PIK3C2G: variants seen among roughly 807,000 people sequenced by gnomAD.
The protein encoded by PIK3C2G is phosphatidylinositol-4-phosphate 3-kinase catalytic subunit type 2 gamma.
PIK3C2G carries 168 observed loss-of-function variants against 181.1 expected under a neutral mutation model. That is an observed-to-expected ratio of 0.93 (90% confidence interval 0.82 to 1.05). PIK3C2G has a LOEUF of 1.05. Ranked by LOEUF, PIK3C2G falls within the 50% of genes least tolerant of loss-of-function variation. PIK3C2G has a pLI of 0.00. For missense variants in PIK3C2G, 1,869 were observed against 1,732.8 expected (o/e 1.08, Z -1.40); for synonymous variants, 573 against 592.2 (o/e 0.97, Z 0.47).
chr12:18,554,724 C>A (rs1592568276), intron 26 of PIK3C2G, among the ~76,000 whole-genome samples: 3 of 152,098 alleles, frequency 2.0e-5, no homozygotes. Context: ...AAAGCATACT[C>A]ATAAGCTTAA....
chr12:18,465,813 C>T (rs1160132129), intron 18 of PIK3C2G, among the ~76,000 whole-genome samples: 2 of 151,676 alleles, frequency 1.3e-5, no homozygotes, highest in African/African-American at 2.4e-5. Flanking sequence ...TTTTCATTAA[C>T]ATTCTAAAGT....
chr12:18,266,926 G>T (rs540059495), intron 1 of PIK3C2G, among the ~76,000 whole-genome samples: 1 of 150,338 alleles, frequency 6.7e-6, no homozygotes, highest in African/African-American at 2.4e-5. Context: ...ATATTTTCTG[G>T]TTATGTATAT....
intron 18 of PIK3C2G, among the ~76,000 whole-genome samples, chr12:18,477,102 G>A (rs907272922): frequency 1.3e-5 from 2 of 152,008 alleles, no homozygotes; most frequent in African/African-American, 4.8e-5. Flanking sequence ...GTGTGCGTGT[G>A]CTCTCCTGCT....
the PIK3C2G span, among the ~76,000 whole-genome samples, chr12:18,720,618 T>G: frequency 6.6e-6 from 1 of 151,940 alleles, no homozygotes. Flanking sequence ...TCTAAAATTT[T>G]TAGTTGCTAT....
chr12:18,489,419 T>G (rs1402502043), intron 19 of PIK3C2G, among the ~76,000 whole-genome samples: 1 of 152,040 alleles, frequency 6.6e-6, no homozygotes, highest in Non-Finnish European at 1.5e-5. Flanking sequence ...CAACAAGAAT[T>G]TTCAACAAAA....
chr12:18,477,467 A>C (rs1192747319), intron 18 of PIK3C2G, among the ~76,000 whole-genome samples: 1 of 152,196 alleles, frequency 6.6e-6, no homozygotes, highest in Non-Finnish European at 1.5e-5. Flanking sequence ...ACAGCATAAC[A>C]TAAGTCAACA....
chr12:18,589,618 G>C (rs1248225643), intron 29 of PIK3C2G, among the ~76,000 whole-genome samples: 2 of 151,864 alleles, frequency 1.3e-5, no homozygotes, highest in Non-Finnish European at 2.9e-5. Flanking sequence ...ATACAAAGAG[G>C]ATGCCTACCC....
chr12:18,481,670 C>A (rs1368966999), intron 18 of PIK3C2G, among the ~76,000 whole-genome samples: 1 of 151,996 alleles, frequency 6.6e-6, no homozygotes, highest in Non-Finnish European at 1.5e-5. Flanking sequence ...CAATTCATTG[C>A]TTAGCCATGC....
At chr12:18,320,786 A>C (rs955888492) in intron 6 of PIK3C2G, among the ~76,000 whole-genome samples, 176 bp from the exon 7 acceptor site, 1 of 152,238 alleles carries the variant, frequency 6.6e-6, no homozygotes, top group Admixed American at 6.5e-5. Flanking sequence ...TTACTTTTGA[A>C]AAGGCTTATA....
At chr12:18,623,946 A>G (rs1020040764) in intron 31 of PIK3C2G, among the ~76,000 whole-genome samples, 3 of 151,644 alleles carry the variant, frequency 2.0e-5, no homozygotes, top group Non-Finnish European at 3.0e-5. Context: ...GAATCTTTTG[A>G]GTTATCTATA....
intron 5 of PIK3C2G, among the ~76,000 whole-genome samples, chr12:18,294,997 G>A (rs1411862443): frequency 8.1e-6 from 1 of 123,028 alleles, no homozygotes; most frequent in Non-Finnish European, 1.9e-5. Context: ...ACAGTGAATG[G>A]CCTTAAGACT....
At chr12:18,379,423 T>C (rs1045967663) in intron 13 of PIK3C2G, among the ~76,000 whole-genome samples, 2 of 151,528 alleles carry the variant, frequency 1.3e-5, no homozygotes, top group Admixed American at 1.3e-4. Context: ...AAATGACAAG[T>C]TAATGGGTGC....
At chr12:18,449,187 C>T (rs974533825) in intron 18 of PIK3C2G, among the ~76,000 whole-genome samples, 3 of 152,134 alleles carry the variant, frequency 2.0e-5, no homozygotes, top group Non-Finnish European at 4.4e-5. Flanking sequence ...GCTCACTATT[C>T]TGTTCCATTG....
At chr12:18,688,882 A>G in the PIK3C2G span, among the ~76,000 whole-genome samples, 3 of 152,128 alleles carry the variant, frequency 2.0e-5, no homozygotes, top group African/African-American at 7.2e-5. Context: ...AGTTATAAAA[A>G]TTGAGGCATA....
At chr12:18,528,777 G>C (rs1325641124) in intron 24 of PIK3C2G, among the ~76,000 whole-genome samples, 1 of 152,088 alleles carries the variant, frequency 6.6e-6, no homozygotes, top group African/African-American at 2.4e-5. Context: ...TCTGGATTTG[G>C]TGCAGCTTGT....
In PIK3C2G at chr12:18,432,104, T is replaced by A. The variant is rs114271210; in HGVS notation, c.2504+8065T>A. Among the ~76,000 whole-genome samples the A allele has an allele frequency of 9.4e-3, 1,433 of 152,262 alleles. 26 individuals carry two copies. The highest frequency in any genetic ancestry group is 0.033 in the African/African-American group (1,362 of 41,544). ...TAGAGATTTTATGTAGTTCCTTTAA[T>A]AAAAAGATTTTTAAAATACCATACA... On this transcript the variant is annotated intron_variant, in intron 18 of 32. Coordinates refer to ENST00000538779, the MANE Select transcript of PIK3C2G (RefSeq NM_001288772.2).
In PIK3C2G at chr12:18,332,333, A is replaced by G. The variant is rs1022404983; in HGVS notation, c.1273-6093A>G. On this transcript the variant is annotated intron_variant, in intron 8 of 32. Coordinates refer to ENST00000538779, the MANE Select transcript of PIK3C2G (RefSeq NM_001288772.2). Reference sequence around the variant, plus strand: ...GGTACTCCACCCTTGCTTATTTATTACTCAATGCTAGACCTATTTTGGCAG... The same window carrying G: ...GGTACTCCACCCTTGCTTATTTATTGCTCAATGCTAGACCTATTTTGGCAG... 7.9e-5 allele frequency among the ~76,000 whole-genome samples: 12 copies of G among 151,926 alleles called. 1 individual carries two copies. The highest frequency in any genetic ancestry group is 1.5e-4 in the Non-Finnish European group (10 of 67,980).
chr12:18,443,209 C>A (rs1384346730), intron 18 of PIK3C2G, among the ~76,000 whole-genome samples: 5 of 152,110 alleles, frequency 3.3e-5, no homozygotes, highest in Non-Finnish European at 5.9e-5. Context: ...TTACCTGGAA[C>A]CTAAACTGAT....
At chr12:18,391,987 C>A (rs914311939) in intron 15 of PIK3C2G, among the ~76,000 whole-genome samples, 1 of 151,912 alleles carries the variant, frequency 6.6e-6, no homozygotes, top group Non-Finnish European at 1.5e-5. Flanking sequence ...AATCATGTGA[C>A]CAGAAAAATC....
Sources: gnomAD v4.1 joint callset for allele counts (sites outside exome capture counted in the v4.1 genomes callset) on GRCh38, gnomAD v4.1.1 for gene constraint, MANE v1.5 for transcripts, NCBI Gene and HGNC (gene_info 2026-07-23, HGNC 2026-07-21) for gene names.